Variants in PNKD observed in about 807,000 individuals in gnomAD.
The protein encoded by PNKD is probable thioesterase PNKD.
In PNKD, 36 loss-of-function variants were observed where a neutral mutation model predicts 45.3. That is an observed-to-expected ratio of 0.80 (90% CI 0.61 to 1.05). PNKD has a LOEUF of 1.05. Ranked by LOEUF, PNKD falls within the 50% of genes least tolerant of loss-of-function variation. The pLI is 0.00. For missense variants in PNKD, 511 were observed against 506.6 expected (o/e 1.01, Z -0.08); for synonymous variants, 197 against 210.1 (o/e 0.94, Z 0.54).
intron 2 of PNKD, among the ~76,000 whole-genome samples, chr2:218,304,265 G>C (rs1870122): frequency 1.3e-5 from 2 of 152,124 alleles, no homozygotes; most frequent in Non-Finnish European, 1.5e-5. Context: ...TCCTGCCTCA[G>C]CCTCCCAAGT....
intron 2 of PNKD, among the ~76,000 whole-genome samples, chr2:218,313,762 A>G (rs985373001): frequency 6.6e-6 from 1 of 152,132 alleles, no homozygotes; most frequent in Admixed American, 6.6e-5. Flanking sequence ...AAATTATACA[A>G]ATTTGATGTC....
intron 2 of PNKD, among the ~76,000 whole-genome samples, chr2:218,281,656 A>T (rs544085047): frequency 6.6e-6 from 1 of 152,324 alleles, no homozygotes; most frequent in Admixed American, 6.5e-5. Flanking sequence ...GTAACCCCTC[A>T]GGAGTCATTA....
At chr2:218,298,059 G>T (rs529628251) in intron 2 of PNKD, among the ~76,000 whole-genome samples, 1 of 152,110 alleles carries the variant, frequency 6.6e-6, no homozygotes, top group South Asian at 2.1e-4. Context: ...GTGACTTCTG[G>T]CGCCTTCCTC....
Position 218,340,662 on chromosome 2 carries a change from G to T in PNKD, c.466-66G>T. 1 of 1,187,254 alleles carries T rather than the reference G, an allele frequency of 8.4e-7. No individual in the cohort carries two copies. The highest frequency in any genetic ancestry group is 1.3e-6 in the Non-Finnish European group (1 of 790,976). The allele number at this position is 1,187,254 out of a possible 1,614,324, so 73.5% of individuals were successfully genotyped here. ...CTCTCCACCAGCGCCCACACTCCTGGCTCTTGCTGCTTCAAGTGCCTCTTG... is the reference window on the plus strand; with the variant it reads ...CTCTCCACCAGCGCCCACACTCCTGTCTCTTGCTGCTTCAAGTGCCTCTTG... On this transcript the variant is annotated intron_variant, in intron 4 of 9. Coordinates refer to ENST00000273077, the MANE Select transcript of PNKD (RefSeq NM_015488.5). This position sits in a 1 kb window ranked among gnomAD's most constrained non-coding sequence, Gnocchi z 4.2.
At chr2:218,271,255 C>A (rs961753276) in intron 1 of PNKD, 126 bp from the exon 2 acceptor site, 11 of 858,254 alleles carry the variant, frequency 1.3e-5, no homozygotes, top group Non-Finnish European at 2.0e-5. Context: ...GCACTTCTTA[C>A]TTCAGACTGC....
chr2:218,341,461 A>T, intron 5 of PNKD, 73 bp from the exon 6 acceptor site: 1 of 955,560 alleles, frequency 1.0e-6, no homozygotes, highest in Non-Finnish European at 1.6e-6. Flanking sequence ...AGGCCTGGAG[A>T]TGCTGTGGTA....
chr2:218,272,577 G>A (rs201563594), intron 2 of PNKD: 94 of 1,613,746 alleles, frequency 5.8e-5, no homozygotes, highest in Non-Finnish European at 6.8e-5. Context: ...TAGGGCCATC[G>A]GCTTCCCTTG....
At chr2:218,324,672 C>A (rs543825184) in intron 2 of PNKD, among the ~76,000 whole-genome samples, 1 of 152,076 alleles carries the variant, frequency 6.6e-6, no homozygotes, top group South Asian at 2.1e-4. Context: ...CGGTGGCTCA[C>A]GCCTGTAATC....
At chr2:218,343,173 G>C (rs1694731248) in intron 7 of PNKD, among the ~76,000 whole-genome samples, 1 of 152,192 alleles carries the variant, frequency 6.6e-6, no homozygotes, top group Admixed American at 6.5e-5. Flanking sequence ...AATCCCAAAG[G>C]GCAGCCTAGG....
Position 218,279,252 on chromosome 2 carries a change from G to C in PNKD, c.236+7703G>C, listed in dbSNP as rs372503378. The stretch of plus-strand genomic sequence containing the variant: ...CCCAGCAGGTGACCCTGAACCCCCA[G>C]GGCAGTAGGAGTGGGTGGCAAAGCC... On this transcript the variant is annotated intron_variant, in intron 2 of 9. Coordinates refer to ENST00000273077, the MANE Select transcript of PNKD (RefSeq NM_015488.5). 1.2e-4 allele frequency: 184 copies of C among 1,563,712 alleles called. 1 individual carries two copies. The highest frequency in any genetic ancestry group is 1.7e-4 in the Middle Eastern group (1 of 5,820).
chr2:218,323,212 G>C (rs1358374663), intron 2 of PNKD: 3 of 1,420,736 alleles, frequency 2.1e-6, no homozygotes, highest in Non-Finnish European at 2.7e-6. Flanking sequence ...GGCCGGGGCC[G>C]GGCCGTTGCC....
chr2:218,310,983 G>A (rs960227047), intron 2 of PNKD, among the ~76,000 whole-genome samples: 2 of 152,184 alleles, frequency 1.3e-5, no homozygotes, highest in Non-Finnish European at 2.9e-5. Context: ...TGCCGTGCAG[G>A]TTTGTGGCCT....
rs1559095959 is a variant in PNKD, at chr2:218,344,652, T to G, written c.984+82T>G. On this transcript the variant is annotated intron_variant, in intron 9 of 9. Coordinates refer to ENST00000273077, the MANE Select transcript of PNKD (RefSeq NM_015488.5). Reference sequence around the variant, plus strand: ...AACCCATCCATGCTGACCCCAGGCCTGCGAGCACCTCCCCAAAACTCTGAC... The same window carrying G: ...AACCCATCCATGCTGACCCCAGGCCGGCGAGCACCTCCCCAAAACTCTGAC... 2.1e-6 allele frequency: 3 copies of G among 1,406,360 alleles called. No individual in the cohort carries two copies. In the African/African-American group the frequency reaches 4.2e-5, roughly 20 times the overall value. The allele number at this position is 1,406,360 out of a possible 1,614,324, so 87.1% of individuals were successfully genotyped here. A position where few individuals can be genotyped will look rare whatever the true frequency, so the allele number is the denominator to read the frequency against.
intron 2 of PNKD, among the ~76,000 whole-genome samples, chr2:218,295,844 CT>C (rs150599792): frequency 0.42 from 54,240 of 128,894 alleles, 12,824 homozygotes; most frequent in South Asian, 0.59. Context: ...AACAACAAAC[CT>C]TTTTTTTTTT....
At position 218,279,175 on chromosome 2, in the gene PNKD, T is replaced by C; in HGVS notation, c.236+7626T>C. ...CAGCCAGGCAGCCCTGGCTTCACCT[T>C]CTCTAATTGCCCATGGTCACCCTGA... On this transcript the variant is annotated intron_variant, in intron 2 of 9. Transcript: ENST00000273077. 5.7e-6 allele frequency: 9 copies of C among 1,590,938 alleles called. No individual in the cohort carries two copies. In the South Asian group the frequency reaches 1.0e-4, roughly 18 times the overall value.
rs535155015 is a variant in PNKD, at chr2:218,338,732, C to T, written c.237-1051C>T. Among the ~76,000 whole-genome samples the T allele has an allele frequency of 2.8e-3, 425 of 151,540 alleles. 4 individuals carry two copies. The highest frequency in any genetic ancestry group is 9.7e-3 in the African/African-American group (401 of 41,322). On this transcript the variant is annotated intron_variant, in intron 2 of 9. Transcript: ENST00000273077. ...CTCCTGACCTCAGATGATCCACCTG[C>T]CTCGGCCTCCCAAAGTGCTGGGATT...
At chr2:218,307,260 G>C (rs145498568) in intron 2 of PNKD, among the ~76,000 whole-genome samples, 1 of 151,818 alleles carries the variant, frequency 6.6e-6, no homozygotes, top group African/African-American at 2.4e-5. Flanking sequence ...AGGGGGGTTC[G>C]GGATGATTCA....
At chr2:218,281,441 C>T (rs1485320336) in intron 2 of PNKD, among the ~76,000 whole-genome samples, 4 of 152,212 alleles carry the variant, frequency 2.6e-5, no homozygotes, top group Admixed American at 2.0e-4. Context: ...CCGGCCTCAC[C>T]TCATTTCTGA....
At chr2:218,271,104 C>G (rs1690813067) in intron 1 of PNKD, 6 of 551,026 alleles carry the variant, frequency 1.1e-5, no homozygotes, top group Non-Finnish European at 2.0e-5. Flanking sequence ...CCACTGCAGT[C>G]CTTCCCATGC....
Sources: allele counts gnomAD v4.1 joint callset (sites outside exome capture counted in the v4.1 genomes callset), GRCh38; gene constraint gnomAD v4.1.1; non-coding constraint Gnocchi (gnomAD v3.1); transcripts MANE v1.5; gene names NCBI Gene and HGNC (gene_info 2026-07-23, HGNC 2026-07-21).